Variants in SLC25A12 observed in about 807,000 individuals in gnomAD.
The protein encoded by SLC25A12 is electrogenic aspartate/glutamate antiporter SLC25A12, mitochondrial.
SLC25A12 carries 32 observed loss-of-function variants against 83.3 expected under a neutral mutation model. The ratio of observed to expected loss-of-function variants is 0.38; its 90% CI spans 0.29 to 0.52. The LOEUF is 0.52. Ranked by LOEUF, SLC25A12 falls within the 20% of genes least tolerant of loss-of-function variation. The pLI, the probability that SLC25A12 is intolerant of heterozygous loss-of-function variation, is 0.84. For synonymous variants in SLC25A12, 267 were observed against 291.1 expected, an observed-to-expected ratio of 0.92 and a Z score of 0.84; for missense variants, 611 against 835.6, an observed-to-expected ratio of 0.73 and a Z score of 3.31.
chr2:171,807,872 C>T (rs1297999790), intron 13 of SLC25A12, among the ~76,000 whole-genome samples: 1 of 152,200 alleles, frequency 6.6e-6, no homozygotes, highest in Admixed American at 6.5e-5. Flanking sequence ...CACAGCAGTC[C>T]ACCTCTTCCA....
chr2:171,846,608 C>T (rs574809124), intron 4 of SLC25A12, among the ~76,000 whole-genome samples: 1 of 152,182 alleles, frequency 6.6e-6, no homozygotes, highest in Non-Finnish European at 1.5e-5. Flanking sequence ...GAGTCAGAGA[C>T]CAACCTGGTC....
chr2:171,892,319 G>A (rs1233628824), intron 2 of SLC25A12, among the ~76,000 whole-genome samples: 2 of 151,170 alleles, frequency 1.3e-5, no homozygotes, highest in Admixed American at 6.6e-5. Flanking sequence ...TCCGCTTCCC[G>A]GGTTAACGCC....
At chr2:171,847,160 T>C (rs1042950616) in intron 4 of SLC25A12, among the ~76,000 whole-genome samples, 2 of 152,226 alleles carry the variant, frequency 1.3e-5, no homozygotes, top group Non-Finnish European at 2.9e-5. Context: ...AGACACATCA[T>C]GGACTACTAT....
chr2:171,849,644 C>T (rs945178000), intron 4 of SLC25A12, among the ~76,000 whole-genome samples: 1 of 150,908 alleles, frequency 6.6e-6, no homozygotes, highest in Non-Finnish European at 1.5e-5. Context: ...GCTCACTGAC[C>T]TCAGCCTCCC....
intron 3 of SLC25A12, among the ~76,000 whole-genome samples, chr2:171,859,503 G>A (rs1685108455): frequency 1.3e-5 from 2 of 152,236 alleles, no homozygotes; most frequent in South Asian, 4.1e-4. Context: ...ACATTATTCA[G>A]CCTTAAAAAG....
chr2:171,870,448 C>T (rs1374139579), intron 2 of SLC25A12, among the ~76,000 whole-genome samples: 1 of 151,922 alleles, frequency 6.6e-6, no homozygotes, highest in Non-Finnish European at 1.5e-5. Context: ...ATGGCAAAAC[C>T]CCATCTCTAC....
rs570928586 is a variant in SLC25A12, at chr2:171,809,334, G to T, written c.1305+272C>A. 7.1e-4 allele frequency: 314 copies of T among 444,934 alleles called. 2 individuals carry two copies. The Middle Eastern group carries it at 0.012, about 17-fold the overall frequency. The allele number at this position is 444,934 out of a possible 1,614,324, so 27.6% of individuals were successfully genotyped here. A position where few individuals can be genotyped will look rare whatever the true frequency, so the allele number is the denominator to read the frequency against. ...ACACTCCCACCAACAGTGTAAAATG[G>T]TTCCTATTTCTCCACATCCTCTCCA... On this transcript the variant is annotated intron_variant, in intron 13 of 17. Coordinates refer to ENST00000422440, the MANE Select transcript of SLC25A12 (RefSeq NM_003705.5).
intron 9 of SLC25A12, among the ~76,000 whole-genome samples, chr2:171,819,599 T>G (rs973723655): frequency 1.1e-4 from 16 of 150,294 alleles, no homozygotes; most frequent in African/African-American, 3.7e-4. Flanking sequence ...GAGTTAAATT[T>G]AAATGAGTTA....
At chr2:171,840,286 G>A (rs1011765315) in intron 5 of SLC25A12, among the ~76,000 whole-genome samples, 17 of 151,918 alleles carry the variant, frequency 1.1e-4, no homozygotes, top group African/African-American at 2.7e-4. Context: ...TCAGGAGGCC[G>A]AGGTGAAAGG....
rs554441492 is a variant in SLC25A12, at chr2:171,853,414, G to A, written c.325+2420C>T. Among the ~76,000 whole-genome samples, 71 of 36,556 alleles carry A rather than the reference G, an allele frequency of 1.9e-3. 1 individual carries two copies. The highest frequency in any genetic ancestry group is 4.2e-3 in the Non-Finnish European group (43 of 10,188). 24.0% of individuals were successfully genotyped at this position (36,556 alleles called of 152,430 possible). On this transcript the variant is annotated intron_variant, in intron 4 of 17. Transcript: ENST00000422440. The stretch of plus-strand genomic sequence containing the variant: ...AAGTTGGCTGGGTGCAGTGGCTCAC[G>A]CCTGTAATCTCAGCACTTTGGGAGG...
intron 2 of SLC25A12, among the ~76,000 whole-genome samples, chr2:171,884,059 T>C (rs74336466): frequency 1.3e-5 from 2 of 150,674 alleles, no homozygotes; most frequent in African/African-American, 2.4e-5. Context: ...TTTTTTTTTT[T>C]TGTAGAGACA....
chr2:171,886,451 T>TA (rs1411686957), intron 2 of SLC25A12, among the ~76,000 whole-genome samples: 2 of 151,466 alleles, frequency 1.3e-5, no homozygotes, highest in Admixed American at 1.3e-4. Flanking sequence ...TAGGCTGTTT[T>TA]TTTTTTTTTT....
At chr2:171,819,179 T>A (rs1684120010) in intron 9 of SLC25A12, among the ~76,000 whole-genome samples, 1 of 137,344 alleles carries the variant, frequency 7.3e-6, no homozygotes, top group South Asian at 2.1e-4. Context: ...GTATTATATA[T>A]GTATAATACG....
chr2:171,799,090 G>T (rs1683658359), intron 13 of SLC25A12, among the ~76,000 whole-genome samples: 1 of 152,100 alleles, frequency 6.6e-6, no homozygotes, highest in Non-Finnish European at 1.5e-5. Context: ...ACAGCAGCAA[G>T]GTGCCATCTT....
At chr2:171,820,178 G>A (rs1277103600) in intron 9 of SLC25A12, among the ~76,000 whole-genome samples, 1 of 152,068 alleles carries the variant, frequency 6.6e-6, no homozygotes, top group African/African-American at 2.4e-5. Flanking sequence ...CCCATGACAC[G>A]TTTACCTATG....
intron 2 of SLC25A12, among the ~76,000 whole-genome samples, chr2:171,872,267 GA>G (rs1685472116): frequency 1.3e-5 from 2 of 151,906 alleles, no homozygotes; most frequent in Admixed American, 6.6e-5. Context: ...ACAGGATAAA[GA>G]AAACAATAAG....
At chr2:171,893,099 A>G in intron 2 of SLC25A12, 106 bp downstream of exon 2, 1 of 869,398 alleles carries the variant, frequency 1.2e-6, no homozygotes, top group South Asian at 1.5e-5. Context: ...TGTTTGAAAG[A>G]ATACATGAAA....
At chr2:171,874,387 C>A (rs1158196432) in intron 2 of SLC25A12, among the ~76,000 whole-genome samples, 1 of 152,116 alleles carries the variant, frequency 6.6e-6, no homozygotes, top group Non-Finnish European at 1.5e-5. Flanking sequence ...AGCAGAACTC[C>A]ATCTCAAATT....
chr2:171,873,528 G>A (rs1274421914), intron 2 of SLC25A12, among the ~76,000 whole-genome samples: 2 of 152,056 alleles, frequency 1.3e-5, no homozygotes, highest in African/African-American at 2.4e-5. Flanking sequence ...AGAAGACAGT[G>A]GGTACTTTTA....
Sources: gnomAD v4.1 joint callset for allele counts (sites outside exome capture counted in the v4.1 genomes callset) on GRCh38, gnomAD v4.1.1 for gene constraint, MANE v1.5 for transcripts, NCBI Gene and HGNC (gene_info 2026-07-23, HGNC 2026-07-21) for gene names.